Variants in POLH observed in about 807,000 individuals in gnomAD.
POLH encodes DNA polymerase eta.
Under a neutral mutation model 73.6 loss-of-function variants are expected in POLH, and 53 were observed. The observed-to-expected ratio is 0.72, with a 90% CI of 0.58 to 0.91. The LOEUF is 0.91. Ranked by LOEUF, POLH falls within the 40% of genes least tolerant of loss-of-function variation. The pLI is 0.00. For synonymous variants in POLH, 292 were observed against 308.5 expected, an observed-to-expected ratio of 0.95 and a Z score of 0.56; for missense variants, 768 against 865.4, an observed-to-expected ratio of 0.89 and a Z score of 1.41.
Position 43,619,810 on chromosome 6 carries a change from G to C in POLH, c.*5253G>C, listed in dbSNP as rs954880772. ...TACAGGAGGAAGTTGTTCAACTACA[G>C]GCTTGTTAGTAGCAAGTTAAACCAG... is the stretch of plus-strand genomic sequence containing the variant. On this transcript the variant is annotated 3_prime_UTR_variant, in exon 11 of 11. Coordinates refer to ENST00000372236, the MANE Select transcript of POLH (RefSeq NM_006502.3). 6.6e-6 allele frequency among the ~76,000 whole-genome samples: 1 copy of C among 152,186 alleles called. No individual in the cohort carries two copies. The highest frequency in any genetic ancestry group is 2.4e-5 in the African/African-American group (1 of 41,438).
intron 9 of POLH, among the ~76,000 whole-genome samples, chr6:43,609,927 T>A (rs900934518): frequency 2.6e-5 from 4 of 152,212 alleles, no homozygotes; most frequent in Non-Finnish European, 5.9e-5. Flanking sequence ...GATACTCCGA[T>A]GTTCCATAAT....
chr6:43,606,561 C>T (rs890188316), intron 9 of POLH, among the ~76,000 whole-genome samples: 5 of 151,818 alleles, frequency 3.3e-5, no homozygotes, highest in East Asian at 1.9e-4. Flanking sequence ...CCCGAGTAAC[C>T]GGGATTACAG....
At chr6:43,605,113 A>G (rs1397677676) in intron 8 of POLH, 141 bp from the exon 9 acceptor site, 2 of 688,962 alleles carry the variant, frequency 2.9e-6, no homozygotes, top group Admixed American at 2.2e-5. Context: ...GAACATTTCT[A>G]TGATCTGGTG....
Position 43,610,450 on chromosome 6 carries a change from C to T in POLH, c.1075-104C>T, listed in dbSNP as rs999460964. The stretch of plus-strand genomic sequence containing the variant: ...GACTTTTAAACTACTGTTTCCAAAC[C>T]ATTGTCACCCTGGTTCTTTTAATTT... On this transcript the variant is annotated intron_variant, in intron 9 of 10. Transcript: ENST00000372236. The T allele has an allele frequency of 1.6e-5, 15 of 911,146 alleles. No individual in the cohort carries two copies. The African/African-American group carries it at 2.1e-4, about 13-fold the overall frequency. The allele number at this position is 911,146 out of a possible 1,614,324, so 56.4% of individuals were successfully genotyped here.
At chr6:43,578,544 G>C in intron 1 of POLH, 1 of 331,968 alleles carries the variant, frequency 3.0e-6, no homozygotes. Flanking sequence ...AAAGTGTCAT[G>C]GTCATGAAAA....
chr6:43,581,029 C>T (rs1352370490), intron 1 of POLH, among the ~76,000 whole-genome samples: 8 of 143,798 alleles, frequency 5.6e-5, no homozygotes, highest in Admixed American at 1.3e-4. Flanking sequence ...GGGTGGCTGC[C>T]GGGCGGAGAC....
chr6:43,600,615 G>A (rs1377820673), intron 5 of POLH, among the ~76,000 whole-genome samples: 1 of 152,152 alleles, frequency 6.6e-6, no homozygotes, highest in African/African-American at 2.4e-5. Flanking sequence ...GGTAAAACAA[G>A]TATGTTTCGG....
Position 43,619,834 on chromosome 6 carries a change from A to G in POLH, c.*5277A>G, listed in dbSNP as rs988963781. Among the ~76,000 whole-genome samples the G allele has an allele frequency of 6.6e-6, 1 of 152,226 alleles. No homozygotes were observed. Among genetic ancestry groups the G allele is most frequent in the Non-Finnish European group, 1.5e-5 (1 of 68,050 alleles). The stretch of plus-strand genomic sequence containing the variant: ...AGGCTTGTTAGTAGCAAGTTAAACC[A>G]GTTACATTTTATAAAACAGCCTGAG... On this transcript the variant is annotated 3_prime_UTR_variant, in exon 11 of 11. Transcript: ENST00000372236.
In POLH at chr6:43,597,794, G is replaced by A. The variant is rs1237197984; in HGVS notation, c.589G>A (p.Val197Met). ...GCAGCTCACCGTGGGAGCAGTGATT[G>A]TGGAGGAAATGAGAGCAGCCATAGA... ...DLQLTVGAVIVEEMRAAIERE... is the reference protein window; with the variant it reads ...DLQLTVGAVIMEEMRAAIERE... Residue 197 changes from valine (V) to methionine (M), a missense_variant, in exon 5 of 11, where the codon GTG becomes ATG. Transcript: ENST00000372236. 1.2e-6 allele frequency: 2 copies of A among 1,613,932 alleles called. No homozygotes were observed. Among genetic ancestry groups the A allele is most frequent in the Non-Finnish European group, 1.7e-6 (2 of 1,179,806 alleles).
intron 3 of POLH, among the ~76,000 whole-genome samples, chr6:43,585,444 G>A (rs1034297090): frequency 3.9e-5 from 6 of 152,126 alleles, no homozygotes; most frequent in Admixed American, 2.0e-4. Context: ...TAATTATGCC[G>A]TGGTCTTTTT....
chr6:43,581,686 G>A (rs1764252582), intron 1 of POLH, among the ~76,000 whole-genome samples: 1 of 145,060 alleles, frequency 6.9e-6, no homozygotes, highest in Admixed American at 6.7e-5. Context: ...GGGCGGCGGC[G>A]GCTGCGGTCG....
intron 9 of POLH, among the ~76,000 whole-genome samples, chr6:43,608,085 G>C (rs982978685): frequency 2.0e-5 from 3 of 152,140 alleles, no homozygotes; most frequent in African/African-American, 7.2e-5. Context: ...AGCCGAGATT[G>C]CGCCATTGCA....
chr6:43,618,944 T>C lies in POLH; in HGVS notation c.*4387T>C, dbSNP rs1032550559. On this transcript the variant is annotated 3_prime_UTR_variant, in exon 11 of 11. Coordinates refer to ENST00000372236, the MANE Select transcript of POLH (RefSeq NM_006502.3). Reference sequence around the variant, plus strand: ...CCAGGCCAGCCCCAACTTCTACTTTTTATTTTATTTATAAATTGGGGGGGG... The same window carrying C: ...CCAGGCCAGCCCCAACTTCTACTTTCTATTTTATTTATAAATTGGGGGGGG... Among the ~76,000 whole-genome samples, 2 of 147,786 alleles carry C rather than the reference T, an allele frequency of 1.4e-5. No individual in the cohort carries two copies. Among genetic ancestry groups the C allele is most frequent in the Non-Finnish European group, 3.0e-5 (2 of 66,742 alleles).
intron 3 of POLH, among the ~76,000 whole-genome samples, chr6:43,586,579 C>G (rs1317250669): frequency 6.6e-6 from 1 of 152,186 alleles, no homozygotes; most frequent in East Asian, 1.9e-4. Context: ...AGAAGACATA[C>G]GATGAGATTG....
Position 43,610,624 on chromosome 6 carries a change from G to A in POLH, c.1145G>A (p.Arg382His), listed in dbSNP as rs1291496678. ...VQGDKRLSSL[R>H]RCCALTRYDA... ...GGAGACAAACGCCTCAGCAGCCTGCGCCGCTGCTGTGCCCTTACCCGCTAT... is the reference window on the plus strand; with the variant it reads ...GGAGACAAACGCCTCAGCAGCCTGCACCGCTGCTGTGCCCTTACCCGCTAT... Residue 382 changes from arginine (R) to histidine (H), a missense_variant, in exon 10 of 11, where the codon CGC (arginine) becomes CAC (histidine). By Grantham distance (29) the Arg-to-His change is conservative. Transcript: ENST00000372236. The A allele has an allele frequency of 5.0e-6, 8 of 1,612,300 alleles. No individual in the cohort carries two copies. The highest frequency in any genetic ancestry group is 4.0e-5 in the African/African-American group (3 of 74,868).
At chr6:43,582,702 G>T (rs941025887) in intron 2 of POLH, among the ~76,000 whole-genome samples, 2 of 152,078 alleles carry the variant, frequency 1.3e-5, no homozygotes, top group East Asian at 1.9e-4. Context: ...TTATTTTTTG[G>T]GGGGTGGGTA....
rs896445044 is a variant in POLH, at chr6:43,610,945, G to C, written c.1244+222G>C. 1.3e-4 allele frequency among the ~76,000 whole-genome samples: 20 copies of C among 152,044 alleles called. 1 individual carries two copies. Among genetic ancestry groups the C allele is most frequent in the African/African-American group, 3.4e-4 (14 of 41,370 alleles). On this transcript the variant is annotated intron_variant, in intron 10 of 10. Coordinates refer to ENST00000372236, the MANE Select transcript of POLH (RefSeq NM_006502.3). ...ATTTTAAAGTTATTATTAAAGTATC[G>C]GCCGGGCGCAGTGGCTCACGCCTGT...
intron 7 of POLH, 80 bp from the exon 8 acceptor site, chr6:43,604,535 A>T (rs1285192804): frequency 6.8e-7 from 1 of 1,463,470 alleles, no homozygotes; most frequent in South Asian, 1.2e-5. Context: ...TAAAAGGGCA[A>T]TATAATATAG....
At chr6:43,581,622 C>T (rs191471335) in intron 1 of POLH, among the ~76,000 whole-genome samples, 37 of 144,520 alleles carry the variant, frequency 2.6e-4, no homozygotes, top group African/African-American at 9.8e-4. Context: ...GCCGGCGCGG[C>T]GGCAAAGACT....
Sources: allele counts gnomAD v4.1 joint callset (sites outside exome capture counted in the v4.1 genomes callset), GRCh38; gene constraint gnomAD v4.1.1; transcripts MANE v1.5; gene names NCBI Gene and HGNC (gene_info 2026-07-23, HGNC 2026-07-21).